The following KRT15 variants were observed in gnomAD, a reference collection of about 807,000 sequenced individuals.
The protein encoded by KRT15 is keratin, type I cytoskeletal 15.
KRT15 carries 45 observed loss-of-function variants against 46.6 expected under a neutral mutation model. That is an observed-to-expected ratio of 0.97 (90% CI 0.76 to 1.24). The LOEUF is 1.24. Among genes scored for constraint, KRT15 ranks in the 50% most tolerant of loss-of-function variants. The pLI, the probability that KRT15 is intolerant of heterozygous loss-of-function variation, is 0.00. For missense variants in KRT15, 592 were observed against 588.9 expected (o/e 1.01, Z -0.05); for synonymous variants, 221 against 233.8 (o/e 0.95, Z 0.50).
rs1905245291 is a variant in KRT15, at chr17:41,513,959, C to CAGTCCTCCACTTGGCCTGATGAG, written c.*41_*63dup. ...AGTTTGCATGTGCAGGCCCTCTGGC[C>CAGTCCTCCACTTGGCCTGATGAG]AGTCCTCCACTTGGCCTGATGAGAG... On this transcript the variant is annotated 3_prime_UTR_variant, in exon 8 of 8. Coordinates refer to ENST00000254043, the MANE Select transcript of KRT15 (RefSeq NM_002275.4). 8.2e-7 allele frequency: 1 copy of CAGTCCTCCACTTGGCCTGATGAG among 1,221,562 alleles called. No individual in the cohort carries two copies. Among genetic ancestry groups the CAGTCCTCCACTTGGCCTGATGAG allele is most frequent in the East Asian group, 2.3e-5 (1 of 43,062 alleles). 75.7% of individuals were successfully genotyped at this position (1,221,562 alleles called of 1,614,324 possible).
At position 41,514,097 on chromosome 17, in the gene KRT15, T is replaced by G. The variant is rs771422905; in HGVS notation, c.1297A>C (p.Ser433Arg). ...TCTACATTGATGTGGAAATTGCTGC[T>G]GCTACCACCACCTCCTGAAGAGGCT... ...REASSGGGGS[S>R]SNFHINVEES... Residue 433 changes from serine (S) to arginine (R), a missense_variant, in exon 8 of 8, where the codon AGC becomes CGC. Ser to Arg is a moderately radical substitution (Grantham distance 110). Coordinates refer to ENST00000254043, the MANE Select transcript of KRT15 (RefSeq NM_002275.4). 9 of 1,613,968 alleles carry G rather than the reference T, an allele frequency of 5.6e-6. No individual in the cohort carries two copies. The South Asian group carries it at 9.9e-5, about 18-fold the overall frequency.
At chr17:41,516,042 G>A (rs758353784) in intron 4 of KRT15, 32 bp from the exon 5 acceptor site, 20 of 1,614,114 alleles carry the variant, frequency 1.2e-5, no homozygotes, top group East Asian at 8.9e-5. Flanking sequence ...AGTGAGCCCC[G>A]GGGCCTCCTC....
Position 41,514,782 on chromosome 17 carries a change from C to T in KRT15, c.1248-108G>A, listed in dbSNP as rs192961718. The T allele has an allele frequency of 7.1e-6, 8 of 1,129,810 alleles. No homozygotes were observed. The African/African-American group carries it at 1.1e-4, about 15-fold the overall frequency. 70.0% of individuals were successfully genotyped at this position (1,129,810 alleles called of 1,614,324 possible). A position where few individuals can be genotyped will look rare whatever the true frequency, so the allele number is the denominator to read the frequency against. ...GTGTTCTTCAGACCCTACACCACCA[C>T]CACCCACACATCTGACTCCTCTAGG... On this transcript the variant is annotated intron_variant, in intron 6 of 7. Transcript: ENST00000254043.
At chr17:41,517,357 T>C (rs1311440731) in intron 1 of KRT15, 192 bp from the exon 2 acceptor site, 2 of 598,000 alleles carry the variant, frequency 3.3e-6, no homozygotes, top group Non-Finnish European at 5.9e-6. Context: ...CATTTCTTGT[T>C]TTGTCCCATC....
Position 41,516,975 on chromosome 17 carries a change from G to A in KRT15, c.582-11C>T. On this transcript the variant is annotated splice_polypyrimidine_tract_variant and intron_variant, in intron 2 of 7. Transcript: ENST00000254043. ...AGCTCATTCTCATACCTGAGGAGAG[G>A]GAGGCCAAAGAAGGAAGTGGGAGGG... 1 of 1,614,250 alleles carries A rather than the reference G, an allele frequency of 6.2e-7. No individual in the cohort carries two copies. Among genetic ancestry groups the A allele is most frequent in the Non-Finnish European group, 8.5e-7 (1 of 1,180,050 alleles).
At chr17:41,514,603 A>T (rs1567717588) in intron 7 of KRT15, 46 bp downstream of exon 7, 1 of 1,586,356 alleles carries the variant, frequency 6.3e-7, no homozygotes, top group Non-Finnish European at 8.7e-7. Flanking sequence ...GGTGGCTTCA[A>T]CATCTCCCCT....
rs1905336826 is a variant in KRT15 at position 41,515,885 on chromosome 17, C to T, written c.1026G>A (p.Met342Ile). ...TGGGATGGGGCGCGAGTGGCCGTAC[C>T]ATGCTGAGCTGGGACTGCAGCTCGA... ...LEIELQSQLSMKAGLENSLAE... is the reference protein window; with the variant it reads ...LEIELQSQLSIKAGLENSLAE... The change falls in exon 5 of 8, where the codon ATG becomes ATA. Residue 342 changes from methionine (M) to isoleucine (I), a missense_variant and splice_region_variant. Met to Ile is a conservative substitution (Grantham distance 10). Coordinates refer to ENST00000254043, the MANE Select transcript of KRT15 (RefSeq NM_002275.4). 1.9e-6 allele frequency: 3 copies of T among 1,614,036 alleles called. No homozygotes were observed. Among genetic ancestry groups the T allele is most frequent in the Non-Finnish European group, 2.5e-6 (3 of 1,179,930 alleles).
In KRT15 at chr17:41,518,592, C is replaced by T. The variant is rs1905521343; in HGVS notation, c.236G>A (p.Gly79Glu). 2.5e-6 allele frequency: 4 copies of T among 1,613,750 alleles called. No homozygotes were observed. The highest frequency in any genetic ancestry group is 2.5e-6 in the Non-Finnish European group (3 of 1,179,928). ...CCCACCAACGCCCCCTCCAAAGCCT[C>T]CACCGAAAACACTACCAGCCCCTCC... ...FGGGAGSVFG[G>E]GFGGGVGGGF... Residue 79 changes from glycine (G) to glutamate (E), a missense_variant, in exon 1 of 8, where the codon GGA becomes GAA. Coordinates refer to ENST00000254043, the MANE Select transcript of KRT15 (RefSeq NM_002275.4).
chr17:41,514,409 G>C, intron 7 of KRT15: 2 of 598,254 alleles, frequency 3.3e-6, no homozygotes, highest in Non-Finnish European at 5.9e-6. Context: ...GATGGGGCCT[G>C]GGGGAGAGAC....
intron 3 of KRT15, among the ~76,000 whole-genome samples, 174 bp downstream of exon 3, chr17:41,516,634 G>A (rs995887253): frequency 6.6e-6 from 1 of 152,166 alleles, no homozygotes; most frequent in African/African-American, 2.4e-5. Flanking sequence ...TAAGCCCCAG[G>A]CCAACTATGA....
chr17:41,516,066 C>A, intron 4 of KRT15, 38 bp downstream of exon 4: 1 of 1,614,128 alleles, frequency 6.2e-7, no homozygotes. Context: ...GACTCAGGGA[C>A]CTGGGGCAGG....
chr17:41,515,376 G>A, intron 6 of KRT15, 96 bp downstream of exon 6: 1 of 1,043,276 alleles, frequency 9.6e-7, no homozygotes, highest in Non-Finnish European at 1.5e-6. Flanking sequence ...AGTCCCTCAA[G>A]GCTGCTTAGG....
chr17:41,518,331 T>G lies in KRT15; in HGVS notation c.497A>C (p.Lys166Thr). 6.2e-7 allele frequency: 1 copy of G among 1,609,920 alleles called. No individual in the cohort carries two copies. The highest frequency in any genetic ancestry group is 8.5e-7 in the Non-Finnish European group (1 of 1,176,874). Residue 166 changes from lysine (K) to threonine (T), a missense_variant and splice_region_variant, in exon 1 of 8, where the codon AAG becomes ACG. Coordinates refer to ENST00000254043, the MANE Select transcript of KRT15 (RefSeq NM_002275.4). ...YFKTIEELRD[K>T]IMATTIDNSR... The stretch of plus-strand genomic sequence containing the variant: ...TCTCTTTGACATCCGAGGACTCACC[T>G]TGTCCCGGAGCTCTTCAATGGTCTT...
chr17:41,515,936 C>T lies in KRT15; in HGVS notation c.975G>A (p.Leu325=). 6.2e-7 allele frequency: 1 copy of T among 1,614,144 alleles called. No individual in the cohort carries two copies. Among genetic ancestry groups the T allele is most frequent in the Non-Finnish European group, 8.5e-7 (1 of 1,180,020 alleles). The stretch of plus-strand genomic sequence containing the variant: ...TCTCCAGCTCCTGCATCGTGCGTCT[C>T]AGGTCTGTGATCTCCGTCTTGCTGG... The part of the protein sequence containing the change: ...IQTSKTEITD[L]RRTMQELEIE... Residue 325 remains leucine (L), a synonymous_variant, in exon 5 of 8, where the codon CTG becomes CTA. Transcript: ENST00000254043.
At position 41,514,170 on chromosome 17, in the gene KRT15, C is replaced by A. The variant is rs141578539; in HGVS notation, c.1274-50G>T. On this transcript the variant is annotated intron_variant, in intron 7 of 7. Transcript: ENST00000254043. ...AGAGTGGGGGAACCTCCCCGCTCTG[C>A]CACGGTGGCCAGGACCTTGGCGGGG... is the stretch of plus-strand genomic sequence containing the variant. 2,158 of 1,432,304 alleles carry A rather than the reference C, an allele frequency of 1.5e-3. 37 individuals carry two copies. In the African/African-American group the frequency reaches 0.027, roughly 18 times the overall value. The allele number at this position is 1,432,304 out of a possible 1,614,324, so 88.7% of individuals were successfully genotyped here.
Position 41,518,598 on chromosome 17 carries a change from A to G in KRT15, c.230T>C (p.Phe77Ser). Residue 77 changes from phenylalanine (F) to serine (S), a missense_variant, in exon 1 of 8, where the codon TTC (phenylalanine) becomes TCC (serine). Physicochemically the swap from Phe to Ser is radical, Grantham distance 155 (BLOSUM62 -2). Coordinates refer to ENST00000254043, the MANE Select transcript of KRT15 (RefSeq NM_002275.4). ...AACGCCCCCTCCAAAGCCTCCACCG[A>G]AAACACTACCAGCCCCTCCACCAAA... ...CGFGGGAGSV[F>S]GGGFGGGVGG... is the part of the protein sequence containing the mutation. 3.2e-6 allele frequency: 5 copies of G among 1,586,612 alleles called. No homozygotes were observed. The highest frequency in any genetic ancestry group is 4.3e-6 in the Non-Finnish European group (5 of 1,165,276).
At position 41,516,952 on chromosome 17, in the gene KRT15, C is replaced by G; in HGVS notation, c.594G>C (p.Glu198Asp). Residue 198 changes from glutamate (E) to aspartate (D), a missense_variant, in exon 3 of 8, where the codon GAG becomes GAC. Glu to Asp is a conservative substitution (Grantham distance 45). Transcript: ENST00000254043. ...ADDFRLKYEN[E>D]LALRQGVEAD... ...CCTCAACGCCCTGGCGCAGGGCCAG[C>G]TCATTCTCATACCTGAGGAGAGGGA... The G allele has an allele frequency of 6.2e-7, 1 of 1,614,254 alleles. No individual in the cohort carries two copies. Among genetic ancestry groups the G allele is most frequent in the Non-Finnish European group, 8.5e-7 (1 of 1,180,046 alleles).
In KRT15 at chr17:41,514,645, C is replaced by G; in HGVS notation, c.1273+4G>C. ...CCCACACCAGAAGAGTAAAGCCTTCCTACCTTCCCTGATGGCAATGCCAGC... is the reference window on the plus strand; with the variant it reads ...CCCACACCAGAAGAGTAAAGCCTTCGTACCTTCCCTGATGGCAATGCCAGC... On this transcript the variant is annotated splice_donor_region_variant and intron_variant, in intron 7 of 7. Transcript: ENST00000254043. The G allele has an allele frequency of 6.2e-7, 1 of 1,613,384 alleles. No individual in the cohort carries two copies. Among genetic ancestry groups the G allele is most frequent in the South Asian group, 1.1e-5 (1 of 91,056 alleles).
Position 41,515,705 on chromosome 17 carries a change from C to T in KRT15, c.1027-13G>A. On this transcript the variant is annotated splice_polypyrimidine_tract_variant and intron_variant, in intron 5 of 7. Coordinates refer to ENST00000254043, the MANE Select transcript of KRT15 (RefSeq NM_002275.4). ...CCAGCCCAGCTTTCTGGGGGAGTGA[C>T]AGATGCATAGACACATCAGGCTAGA... 6.2e-7 allele frequency: 1 copy of T among 1,612,948 alleles called. No individual in the cohort carries two copies. The highest frequency in any genetic ancestry group is 8.5e-7 in the Non-Finnish European group (1 of 1,179,124).
Sources: allele counts gnomAD v4.1 joint callset (sites outside exome capture counted in the v4.1 genomes callset), GRCh38; gene constraint gnomAD v4.1.1; transcripts MANE v1.5; gene names NCBI Gene and HGNC (gene_info 2026-07-23, HGNC 2026-07-21).